SUPT3H: variants seen among roughly 807,000 people sequenced by gnomAD.
SUPT3H encodes transcription initiation protein SPT3 homolog.
SUPT3H carries 44 observed loss-of-function variants against 44.3 expected under a neutral mutation model. That is an observed-to-expected ratio of 0.99 (90% CI 0.78 to 1.28). The LOEUF (loss-of-function observed/expected upper bound fraction) is 1.28. Among genes scored for constraint, SUPT3H ranks in the 50% most tolerant of loss-of-function variants. SUPT3H has a pLI of 0.00. For synonymous variants in SUPT3H, 124 were observed against 125.6 expected (o/e 0.99, Z 0.09); for missense variants, 380 against 387.1 (o/e 0.98, Z 0.15).
chr6:44,997,076 C>T (rs1011247772), intron 6 of SUPT3H, among the ~76,000 whole-genome samples: 1 of 151,686 alleles, frequency 6.6e-6, no homozygotes, highest in African/African-American at 2.4e-5. Context: ...TAGGTTGGTG[C>T]AAAAGTAATT....
intron 10 of SUPT3H, among the ~76,000 whole-genome samples, chr6:44,852,245 C>G (rs1357650109): frequency 6.6e-6 from 1 of 152,122 alleles, no homozygotes; most frequent in Non-Finnish European, 1.5e-5. Flanking sequence ...GTCACCTTTT[C>G]CAGTTTGCTT....
chr6:44,956,328 C>CA (rs1282538484), intron 7 of SUPT3H, among the ~76,000 whole-genome samples: 2 of 147,696 alleles, frequency 1.4e-5, no homozygotes, highest in Non-Finnish European at 3.0e-5. Flanking sequence ...ACTAAAAATA[C>CA]AAAAAATTAG....
At chr6:45,331,533 A>G (rs1208697959) in intron 2 of SUPT3H, among the ~76,000 whole-genome samples, 1 of 152,002 alleles carries the variant, frequency 6.6e-6, no homozygotes, top group Non-Finnish European at 1.5e-5. Flanking sequence ...ACAAACACAG[A>G]AAATCACTCT....
chr6:45,286,411 C>T (rs553603851), intron 2 of SUPT3H, among the ~76,000 whole-genome samples: 2 of 151,962 alleles, frequency 1.3e-5, no homozygotes, highest in South Asian at 2.1e-4. Flanking sequence ...AAAAAACAAC[C>T]CCATCAAAAA....
chr6:45,136,102 T>C (rs1165010601), intron 2 of SUPT3H, among the ~76,000 whole-genome samples: 3 of 152,160 alleles, frequency 2.0e-5, no homozygotes, highest in Admixed American at 1.3e-4. Context: ...ACAATGAATG[T>C]ACCCTCCATG....
intron 2 of SUPT3H, among the ~76,000 whole-genome samples, chr6:45,134,633 G>T (rs921204867): frequency 7.0e-6 from 1 of 142,196 alleles, no homozygotes. Flanking sequence ...GAGGGTGAAG[G>T]CATAGGACAG....
chr6:44,885,705 G>C (rs993475357), intron 10 of SUPT3H, among the ~76,000 whole-genome samples: 2 of 152,172 alleles, frequency 1.3e-5, no homozygotes, highest in African/African-American at 4.8e-5. Context: ...AAAAAGCAGA[G>C]CACCTCTCCT....
chr6:44,998,609 T>C (rs1161245700), intron 6 of SUPT3H, among the ~76,000 whole-genome samples: 1 of 151,948 alleles, frequency 6.6e-6, no homozygotes, highest in Non-Finnish European at 1.5e-5. Flanking sequence ...TTAAATTTTT[T>C]AGTGGCAAAA....
At chr6:45,263,891 C>T (rs571710814) in intron 2 of SUPT3H, among the ~76,000 whole-genome samples, 24 of 152,126 alleles carry the variant, frequency 1.6e-4, no homozygotes, top group Admixed American at 1.2e-3. Context: ...TTAAAAATAC[C>T]ACTAAAGTAA....
intron 6 of SUPT3H, among the ~76,000 whole-genome samples, chr6:44,968,636 G>A (rs1346920925): frequency 6.6e-6 from 1 of 152,070 alleles, no homozygotes; most frequent in Non-Finnish European, 1.5e-5. Flanking sequence ...CTGGGGTATT[G>A]CAACAGCTTC....
At chr6:45,247,644 G>A (rs2153650761) in intron 2 of SUPT3H, among the ~76,000 whole-genome samples, 1 of 151,620 alleles carries the variant, frequency 6.6e-6, no homozygotes, top group South Asian at 2.1e-4. Flanking sequence ...GAGAACTTTG[G>A]AAGCTTAAAT....
chr6:45,280,436 G>A (rs1003990753), intron 2 of SUPT3H, among the ~76,000 whole-genome samples: 1 of 152,112 alleles, frequency 6.6e-6, no homozygotes, highest in South Asian at 2.1e-4. Flanking sequence ...AATCCAGGAA[G>A]TGGAGGTTAT....
intron 2 of SUPT3H, among the ~76,000 whole-genome samples, chr6:45,114,397 C>T (rs553214996): frequency 2.0e-5 from 3 of 151,866 alleles, no homozygotes; most frequent in South Asian, 2.1e-4. Flanking sequence ...AACAGAATCA[C>T]GAAATGTATG....
At chr6:45,083,701 TA>T (rs528988074) in intron 3 of SUPT3H, among the ~76,000 whole-genome samples, 2,465 of 135,022 alleles carry the variant, frequency 0.018, 54 homozygotes, top group African/African-American at 0.055. Flanking sequence ...AAGGGTACAG[TA>T]AAAAAAAAAA....
chr6:45,309,840 G>A (rs377033341), intron 2 of SUPT3H, among the ~76,000 whole-genome samples: 4 of 152,060 alleles, frequency 2.6e-5, no homozygotes, highest in African/African-American at 9.7e-5. Context: ...AGAATGGGAT[G>A]ATATAGTCAA....
intron 10 of SUPT3H, among the ~76,000 whole-genome samples, chr6:44,864,823 T>C (rs1323614414): frequency 1.3e-5 from 2 of 152,244 alleles, no homozygotes; most frequent in Non-Finnish European, 2.9e-5. Context: ...TGACATGCCC[T>C]GGAGACATTT....
intron 10 of SUPT3H, among the ~76,000 whole-genome samples, chr6:44,838,281 A>C (rs755453260): frequency 3.3e-5 from 5 of 152,210 alleles, no homozygotes; most frequent in Non-Finnish European, 5.9e-5. Flanking sequence ...ACAGAGTACA[A>C]GGTACAGTGG....
At chr6:45,302,514 AATATATATATATATATATATATATATAT>A (rs10524207) in intron 2 of SUPT3H, among the ~76,000 whole-genome samples, 4 of 105,388 alleles carry the variant, frequency 3.8e-5, no homozygotes, top group African/African-American at 7.1e-5. Context: ...GTATCTCAGG[AATATATATATATATATATATATATATAT>A]ATATATATAT....
At position 45,171,713 on chromosome 6, in the gene SUPT3H, C is replaced by CTTTT. The variant is rs777154020; in HGVS notation, c.102-65711_102-65708dup. The stretch of plus-strand genomic sequence containing the variant: ...AAGGCATTAACAAAAATTCCACTTG[C>CTTTT]TTTTTTTTTTTTTTTTTTTTTTTTG... On this transcript the variant is annotated intron_variant, in intron 2 of 10. Transcript: ENST00000371459. 9.8e-3 allele frequency among the ~76,000 whole-genome samples: 916 copies of CTTTT among 93,470 alleles called. 92 individuals are homozygous for CTTTT. Among genetic ancestry groups the CTTTT allele is most frequent in the African/African-American group, 0.025 (571 of 22,432 alleles). The allele number at this position is 93,470 out of a possible 152,430, so 61.3% of individuals were successfully genotyped here.
Sources: gnomAD v4.1 joint callset for allele counts (sites outside exome capture counted in the v4.1 genomes callset) on GRCh38, gnomAD v4.1.1 for gene constraint, MANE v1.5 for transcripts, NCBI Gene and HGNC (gene_info 2026-07-23, HGNC 2026-07-21) for gene names.